ABCA5: variants seen among roughly 807,000 people sequenced by gnomAD.
The protein encoded by ABCA5 is ATP binding cassette subfamily A member 5, also known as cholesterol transporter ABCA5.
In ABCA5, 163 loss-of-function variants were observed where a neutral mutation model predicts 206.0. That is an observed-to-expected ratio of 0.79 (90% CI 0.70 to 0.90). The LOEUF is 0.90. Ranked by LOEUF, ABCA5 falls within the 40% of genes least tolerant of loss-of-function variation. The pLI is 0.00. For missense variants in ABCA5, 1,859 were observed against 1,912.9 expected, an observed-to-expected ratio of 0.97 and a Z score of 0.53; for synonymous variants, 609 against 613.8, an observed-to-expected ratio of 0.99 and a Z score of 0.11.
chr17:69,318,545 ATGCTTTTT>A (rs1456865263), intron 1 of ABCA5, among the ~76,000 whole-genome samples: 3 of 152,188 alleles, frequency 2.0e-5, no homozygotes, highest in Non-Finnish European at 4.4e-5. Context: ...TATTTTCTTC[ATGCTTTTT>A]TTCTATGTAT....
At chr17:69,282,496 C>A (rs551279101) in intron 18 of ABCA5, among the ~76,000 whole-genome samples, 2 of 152,134 alleles carry the variant, frequency 1.3e-5, no homozygotes, top group Non-Finnish European at 2.9e-5. Flanking sequence ...CTCGGCCGGG[C>A]GCAGTGGCTT....
intron 23 of ABCA5, among the ~76,000 whole-genome samples, chr17:69,266,443 C>T (rs112977499): frequency 0.019 from 2,887 of 152,002 alleles, 83 homozygotes; most frequent in African/African-American, 0.066. Context: ...GAATATACAA[C>T]TATCTCAAAA....
In ABCA5 at chr17:69,327,070, G is replaced by T; in HGVS notation, c.-34C>A. 6.5e-6 allele frequency: 1 copy of T among 154,674 alleles called. No individual in the cohort carries two copies. Among genetic ancestry groups the T allele is most frequent in the South Asian group, 1.9e-4 (1 of 5,208 alleles). The allele number at this position is 154,674 out of a possible 1,614,324, so 9.6% of individuals were successfully genotyped here. On this transcript the variant is annotated 5_prime_UTR_variant, in exon 1 of 39. In the 5' UTR this introduces an upstream ATG that the reference lacks. Transcript: ENST00000392676. Reference sequence around the variant, plus strand: ...GCCTCACCTCAGGGCCCGAGCCGCAGAGCTGTCAGGCCTGGACGCGCTCAG... The same window carrying T: ...GCCTCACCTCAGGGCCCGAGCCGCATAGCTGTCAGGCCTGGACGCGCTCAG...
At chr17:69,318,500 C>A (rs1038765864) in intron 1 of ABCA5, among the ~76,000 whole-genome samples, 1 of 152,016 alleles carries the variant, frequency 6.6e-6, no homozygotes, top group Non-Finnish European at 1.5e-5. Flanking sequence ...CTGGAAAGAA[C>A]TGTTTAAATT....
chr17:69,282,385 A>G (rs2075403625), intron 18 of ABCA5, among the ~76,000 whole-genome samples: 1 of 152,150 alleles, frequency 6.6e-6, no homozygotes, highest in South Asian at 2.1e-4. Context: ...CCAATTCCAT[A>G]GCACCATCTA....
intron 1 of ABCA5, among the ~76,000 whole-genome samples, chr17:69,321,634 C>A (rs1451949529): frequency 6.6e-6 from 1 of 152,032 alleles, no homozygotes; most frequent in African/African-American, 2.4e-5. Context: ...TGAGTTAATA[C>A]AAGACCAAAG....
intron 4 of ABCA5, 54 bp downstream of exon 4, chr17:69,309,208 A>G: frequency 7.2e-7 from 1 of 1,389,768 alleles, no homozygotes; most frequent in East Asian, 2.6e-5. Context: ...ATGAACTGCA[A>G]GCAGCAAAGA....
At chr17:69,322,363 CAAAAAAAAAAA>C (rs3029978) in intron 1 of ABCA5, among the ~76,000 whole-genome samples, 1,217 of 52,440 alleles carry the variant, frequency 0.023, 25 homozygotes, top group African/African-American at 0.069. Context: ...GATTCCGTCT[CAAAAAAAAAAA>C]AAAAAAAAAA....
chr17:69,305,097 C>T (rs2075703099), intron 6 of ABCA5, among the ~76,000 whole-genome samples: 1 of 152,078 alleles, frequency 6.6e-6, no homozygotes, highest in Non-Finnish European at 1.5e-5. Flanking sequence ...ATCTAATATT[C>T]TCAAAAGTTC....
In ABCA5 at chr17:69,326,836, C is replaced by T. The variant is rs1331579935; in HGVS notation, c.-16+216G>A. Reference sequence around the variant, plus strand: ...CCCACCGCATCCCCGAGGCTGGCAACCCGCGCTTCCCGGGAGCTGAGGGAG... The same window carrying T: ...CCCACCGCATCCCCGAGGCTGGCAATCCGCGCTTCCCGGGAGCTGAGGGAG... On this transcript the variant is annotated intron_variant, in intron 1 of 38. Transcript: ENST00000392676. The surrounding 1 kb of genome is among the most constrained non-coding windows in gnomAD (Gnocchi z 4.8). 6.6e-6 allele frequency among the ~76,000 whole-genome samples: 1 copy of T among 152,112 alleles called. No individual in the cohort carries two copies. Among genetic ancestry groups the T allele is most frequent in the Admixed American group, 6.5e-5 (1 of 15,290 alleles).
Position 69,294,365 on chromosome 17 carries a change from T to C in ABCA5, c.1495+290A>G, listed in dbSNP as rs2075562790. Among the ~76,000 whole-genome samples the C allele has an allele frequency of 2.0e-5, 3 of 151,530 alleles. No homozygotes were observed. The South Asian group carries it at 6.3e-4, about 32-fold the overall frequency. On this transcript the variant is annotated intron_variant, in intron 11 of 38. Transcript: ENST00000392676. ...TGGTGAAACCCCGTCTCCACAAAAA[T>C]ACAAAAATTAGCTGGGCATGGTGGC... is the stretch of plus-strand genomic sequence containing the variant.
In ABCA5 at chr17:69,261,131, G is replaced by A. The variant is rs897686918; in HGVS notation, c.3558C>T (p.Phe1186=). The change falls in exon 26 of 39, where the codon TTC becomes TTT. Residue 1186 remains phenylalanine (F), a synonymous_variant. Coordinates refer to ENST00000392676, the MANE Select transcript of ABCA5 (RefSeq NM_172232.4). ...AAATATTTAGCAGAATTACCTTTAT[G>A]AAAGAAATCAGGCAACCTAGAAGTG... ...IYPLLGCLIS[F]IKISWKNVRK... is the part of the protein sequence containing the mutation. The A allele has an allele frequency of 1.9e-6, 3 of 1,561,272 alleles. No individual in the cohort carries two copies. Among genetic ancestry groups the A allele is most frequent in the African/African-American group, 2.7e-5 (2 of 72,848 alleles).
intron 1 of ABCA5, chr17:69,317,233 C>T (rs2075824940): frequency 6.6e-6 from 1 of 151,496 alleles, no homozygotes; most frequent in Non-Finnish European, 1.5e-5. Flanking sequence ...CCCGTCTCTA[C>T]TAAAAAAAAA....
At chr17:69,261,056 C>T in intron 26 of ABCA5, 69 bp downstream of exon 26, 2 of 1,350,266 alleles carry the variant, frequency 1.5e-6, no homozygotes, top group South Asian at 2.9e-5. Flanking sequence ...TATACAAGAA[C>T]TAACATCCCC....
chr17:69,255,908 G>A, intron 29 of ABCA5, 58 bp from the exon 30 acceptor site: 1 of 1,379,214 alleles, frequency 7.3e-7, no homozygotes, highest in Non-Finnish European at 9.9e-7. Flanking sequence ...GAAATGACAG[G>A]CTGCACATAC....
chr17:69,254,336 T>A lies in ABCA5; in HGVS notation c.4223A>T (p.Asp1408Val). The A allele has an allele frequency of 6.2e-7, 1 of 1,606,258 alleles. No homozygotes were observed. The highest frequency in any genetic ancestry group is 8.5e-7 in the Non-Finnish European group (1 of 1,176,474). The change falls in exon 32 of 39, where the codon GAC becomes GTC. Residue 1408 changes from aspartate to valine, a missense_variant. Asp to Val is a radical substitution (Grantham distance 152). Transcript: ENST00000392676. ...TTACCGACTTATGACTTCTTTCATG[T>A]CACTTGCACTCATTCCTTTGACAGC... is the stretch of plus-strand genomic sequence containing the variant. ...YGAVKGMSAS[D>V]MKEVISRITH... is the part of the protein sequence containing the mutation.
At chr17:69,286,141 C>G (rs762399924) in intron 16 of ABCA5, 80 bp downstream of exon 16, 6 of 1,543,204 alleles carry the variant, frequency 3.9e-6, no homozygotes, top group Admixed American at 1.9e-5. Context: ...ATGGTCAAAG[C>G]ATATAACAGC....
In ABCA5 at chr17:69,289,274, A is replaced by C; in HGVS notation, c.1805T>G (p.Leu602Ter). The C allele has an allele frequency of 2.5e-6, 4 of 1,596,704 alleles. No individual in the cohort carries two copies. The highest frequency in any genetic ancestry group is 3.4e-6 in the Non-Finnish European group (4 of 1,173,248). ...GTTATCTTTGATAGTCTGCATGTCT[A>C]AATCTAGTAAAACCTTCTGCACCTG... ...IQEVQKVLLD[L>*]DMQTIKDNQA... is the part of the protein sequence containing the mutation. Residue 602 changes from leucine to a stop codon, truncating the protein, a stop_gained, in exon 14 of 39, where the codon TTA (leucine) becomes TGA (stop). Transcript: ENST00000392676. LOFTEE classifies it high-confidence loss of function.
rs2075064460 is a variant in ABCA5 at position 69,255,462 on chromosome 17, A to G, written c.4068+81T>C. ...AATATACATAAAAATTGAATATAAA[A>G]TCCGAATTTGTCACTAAAAGTTTAT... On this transcript the variant is annotated intron_variant, in intron 31 of 38. Coordinates refer to ENST00000392676, the MANE Select transcript of ABCA5 (RefSeq NM_172232.4). The G allele has an allele frequency of 1.5e-5, 13 of 869,890 alleles. No homozygotes were observed. In the East Asian group the frequency reaches 3.7e-4, roughly 25 times the overall value. The allele number at this position is 869,890 out of a possible 1,614,324, so 53.9% of individuals were successfully genotyped here.
Sources: allele counts gnomAD v4.1 joint callset (sites outside exome capture counted in the v4.1 genomes callset), GRCh38; gene constraint gnomAD v4.1.1; non-coding constraint Gnocchi (gnomAD v3.1); transcripts MANE v1.5; gene names NCBI Gene and HGNC (gene_info 2026-07-23, HGNC 2026-07-21).